Variants in TMEM132D observed in about 807,000 individuals in gnomAD.
The protein encoded by TMEM132D is mature OL transmembrane protein.
In TMEM132D, 21 loss-of-function variants were observed where a neutral mutation model predicts 62.3. That is an observed-to-expected ratio of 0.34 (90% confidence interval 0.24 to 0.49). The LOEUF (loss-of-function observed/expected upper bound fraction) is 0.49, where lower values mean the gene tolerates loss of function less well. TMEM132D is among the 20% of genes least tolerant of loss of function. The probability of loss-of-function intolerance (pLI) is 0.99; values close to 1 mark genes in which losing one functional copy is unlikely to be tolerated. For missense variants in TMEM132D, 1,346 were observed against 1,402.8 expected (o/e 0.96, Z 0.65); for synonymous variants, 621 against 575.6 (o/e 1.08, Z -1.13).
chr12:129,855,182 C>G (rs1873694883), intron 1 of TMEM132D, among the ~76,000 whole-genome samples: 1 of 88,926 alleles, frequency 1.1e-5, no homozygotes, highest in Non-Finnish European at 2.3e-5. Flanking sequence ...TCCGGGGGAA[C>G]GGGATGGCTG....
chr12:129,813,673 G>A (rs534541116), intron 1 of TMEM132D, among the ~76,000 whole-genome samples: 4 of 148,412 alleles, frequency 2.7e-5, no homozygotes, highest in Admixed American at 6.9e-5. Flanking sequence ...CCAAAAAATC[G>A]AGTTGAGGAA....
chr12:129,627,101 A>G (rs1879240270), intron 2 of TMEM132D, among the ~76,000 whole-genome samples: 1 of 152,064 alleles, frequency 6.6e-6, no homozygotes, highest in Non-Finnish European at 1.5e-5. Flanking sequence ...TGGCATCACT[A>G]CACCCAAAAT....
chr12:129,102,055 C>T (rs574715850), intron 5 of TMEM132D, among the ~76,000 whole-genome samples: 6 of 150,180 alleles, frequency 4.0e-5, no homozygotes, highest in Non-Finnish European at 8.8e-5. Context: ...AGGTCTGTGA[C>T]AGCCTAGACA....
At chr12:129,775,971 A>T (rs1427683436) in intron 1 of TMEM132D, among the ~76,000 whole-genome samples, 1 of 152,128 alleles carries the variant, frequency 6.6e-6, no homozygotes, top group African/African-American at 2.4e-5. Context: ...CTGCTTCAAT[A>T]GTAAGAAAAA....
intron 1 of TMEM132D, among the ~76,000 whole-genome samples, chr12:129,838,482 A>AT (rs1555235008): frequency 1.3e-5 from 2 of 152,128 alleles, no homozygotes; most frequent in Non-Finnish European, 2.9e-5. Flanking sequence ...AGTTACTTAA[A>AT]TTTTAGATTG....
chr12:129,755,568 A>C (rs1188938771), intron 1 of TMEM132D, among the ~76,000 whole-genome samples: 2 of 152,212 alleles, frequency 1.3e-5, no homozygotes, highest in Admixed American at 1.3e-4. Context: ...AATTGGTGCC[A>C]CCAAAACTCA....
At chr12:129,486,397 G>T (rs1266816352) in intron 3 of TMEM132D, among the ~76,000 whole-genome samples, 2 of 152,028 alleles carry the variant, frequency 1.3e-5, no homozygotes, top group Non-Finnish European at 2.9e-5. Context: ...TTATGTACTT[G>T]CCCAGACCCC....
chr12:129,554,582 C>A (rs930268693), intron 2 of TMEM132D, among the ~76,000 whole-genome samples: 4 of 152,120 alleles, frequency 2.6e-5, no homozygotes, highest in Non-Finnish European at 5.9e-5. Flanking sequence ...CTTTAGACAA[C>A]CCTCTCTTCT....
chr12:129,298,110 G>T (rs529793828), intron 4 of TMEM132D, among the ~76,000 whole-genome samples: 1 of 152,092 alleles, frequency 6.6e-6, no homozygotes, highest in African/African-American at 2.4e-5. Context: ...CCAACTCATG[G>T]GTGGGATTCA....
chr12:129,657,257 G>A (rs181443474), intron 2 of TMEM132D, among the ~76,000 whole-genome samples: 1 of 152,336 alleles, frequency 6.6e-6, no homozygotes, highest in East Asian at 1.9e-4. Context: ...CAGTGTCTGT[G>A]CCACCCCAAG....
At chr12:129,586,801 G>A (rs1878041665) in intron 2 of TMEM132D, among the ~76,000 whole-genome samples, 1 of 152,104 alleles carries the variant, frequency 6.6e-6, no homozygotes, top group South Asian at 2.1e-4. Context: ...AGCCTATCTT[G>A]ACTAATGCAG....
At chr12:129,586,240 G>C (rs569022040) in intron 2 of TMEM132D, among the ~76,000 whole-genome samples, 10 of 150,500 alleles carry the variant, frequency 6.6e-5, no homozygotes, top group Non-Finnish European at 1.5e-4. Context: ...GCCTCCTCCA[G>C]CCTTAGACCT....
intron 2 of TMEM132D, among the ~76,000 whole-genome samples, chr12:129,567,545 A>G (rs1051251568): frequency 3.9e-5 from 6 of 152,210 alleles, no homozygotes; most frequent in Non-Finnish European, 8.8e-5. Flanking sequence ...TTCAATAAAA[A>G]CATTATTGCT....
In TMEM132D at chr12:129,162,964, G is replaced by A. The variant is rs1249530302; in HGVS notation, c.1443+46556C>T. ...CCCCAGCATCAGCCAAGTGGCCACT[G>A]GACTGCGCAGGACCAGCTCTCAACA... On this transcript the variant is annotated intron_variant, in intron 5 of 8. Transcript: ENST00000422113. Among the ~76,000 whole-genome samples, 3 of 152,182 alleles carry A rather than the reference G, an allele frequency of 2.0e-5. No individual in the cohort carries two copies. In the East Asian group the frequency reaches 5.8e-4, roughly 29 times the overall value.
chr12:129,521,162 G>A (rs1206007563), intron 3 of TMEM132D: 1 of 152,140 alleles, frequency 6.6e-6, no homozygotes, highest in Non-Finnish European at 1.5e-5. Context: ...TTTTACTCTG[G>A]AGGATTTTCG....
At chr12:129,108,763 TTTGA>T (rs1483446741) in intron 5 of TMEM132D, among the ~76,000 whole-genome samples, 5 of 152,218 alleles carry the variant, frequency 3.3e-5, no homozygotes, top group African/African-American at 1.2e-4. Context: ...TTCTCAATAT[TTTGA>T]TTAATTGTTT....
intron 3 of TMEM132D, among the ~76,000 whole-genome samples, chr12:129,350,338 A>G (rs1357917695): frequency 6.6e-6 from 1 of 152,180 alleles, no homozygotes; most frequent in Non-Finnish European, 1.5e-5. Flanking sequence ...CTTTCTCCCA[A>G]AATGGAAGGA....
intron 1 of TMEM132D, among the ~76,000 whole-genome samples, chr12:129,731,320 TAAAA>T (rs200720836): frequency 6.6e-6 from 1 of 151,256 alleles, no homozygotes; most frequent in African/African-American, 2.4e-5. Context: ...GAGGCAGACT[TAAAA>T]AAAAATGCAT....
chr12:129,102,147 A>G (rs1394207198), intron 5 of TMEM132D, among the ~76,000 whole-genome samples: 1 of 152,092 alleles, frequency 6.6e-6, no homozygotes, highest in East Asian at 1.9e-4. Context: ...TGCTGTTGGT[A>G]CCTTTCTAAT....
Sources: gnomAD v4.1 joint callset for allele counts (sites outside exome capture counted in the v4.1 genomes callset) on GRCh38, gnomAD v4.1.1 for gene constraint, MANE v1.5 for transcripts, NCBI Gene and HGNC (gene_info 2026-07-23, HGNC 2026-07-21) for gene names.